The following AFG1L variants were observed in gnomAD, a reference collection of about 807,000 sequenced individuals.
The protein encoded by AFG1L is AFG1 like ATPase.
Under a neutral mutation model 62.2 loss-of-function variants are expected in AFG1L, and 53 were observed. That is an observed-to-expected ratio of 0.85 (90% CI 0.68 to 1.07). AFG1L has a LOEUF of 1.07. AFG1L is among the 50% of genes least tolerant of loss of function. The pLI is 0.00. For synonymous variants in AFG1L, 228 were observed against 210.3 expected, an observed-to-expected ratio of 1.08 and a Z score of -0.73; for missense variants, 555 against 590.5, an observed-to-expected ratio of 0.94 and a Z score of 0.62.
At chr6:108,418,252 C>A (rs1770416237) in intron 7 of AFG1L, among the ~76,000 whole-genome samples, 1 of 152,132 alleles carries the variant, frequency 6.6e-6, no homozygotes, top group African/African-American at 2.4e-5. Flanking sequence ...CAAATCTGGC[C>A]TGCTGCCTGT....
chr6:108,397,435 T>C (rs1286323529), intron 6 of AFG1L, among the ~76,000 whole-genome samples: 1 of 152,148 alleles, frequency 6.6e-6, no homozygotes, highest in African/African-American at 2.4e-5. Context: ...TTTTGTATTT[T>C]TAGTAGAGAC....
intron 7 of AFG1L, among the ~76,000 whole-genome samples, chr6:108,418,784 T>C (rs1293731608): frequency 6.6e-6 from 1 of 152,206 alleles, no homozygotes; most frequent in Non-Finnish European, 1.5e-5. Flanking sequence ...CACTGAACAA[T>C]ATTTATGGAG....
At chr6:108,350,790 C>T (rs1390833907) in intron 3 of AFG1L, among the ~76,000 whole-genome samples, 1 of 152,166 alleles carries the variant, frequency 6.6e-6, no homozygotes, top group Non-Finnish European at 1.5e-5. Context: ...CCTGCTGCCT[C>T]CTGGTTTCAC....
chr6:108,348,282 G>T (rs1405073097), intron 3 of AFG1L, among the ~76,000 whole-genome samples: 2 of 152,198 alleles, frequency 1.3e-5, no homozygotes, highest in Non-Finnish European at 2.9e-5. Flanking sequence ...GTTTCACCGT[G>T]TTAGCCAGGA....
chr6:108,353,153 ATT>A (rs35734578), intron 3 of AFG1L, among the ~76,000 whole-genome samples: 1,645 of 121,010 alleles, frequency 0.014, 19 homozygotes, highest in African/African-American at 0.04. Context: ...ACAATGTTTA[ATT>A]TTTTTTTTTT....
intron 6 of AFG1L, chr6:108,392,286 T>G (rs1304799795): frequency 4.6e-5 from 7 of 152,236 alleles, no homozygotes; most frequent in Admixed American, 4.6e-4. Flanking sequence ...ACCTTCGCTT[T>G]CTGATCATTA....
chr6:108,440,112 A>G (rs1310116177), intron 7 of AFG1L, among the ~76,000 whole-genome samples: 1 of 152,208 alleles, frequency 6.6e-6, no homozygotes, highest in African/African-American at 2.4e-5. Flanking sequence ...TTCTACTGTT[A>G]TGCTTTTAAT....
At chr6:108,413,954 AC>A (rs1289366041) in intron 7 of AFG1L, among the ~76,000 whole-genome samples, 1 of 152,140 alleles carries the variant, frequency 6.6e-6, no homozygotes, top group East Asian at 1.9e-4. Flanking sequence ...CACAAAAAAA[AC>A]CCTTCAAAAA....
chr6:108,522,431 A>C lies in AFG1L; in HGVS notation c.*6A>C. 2 of 1,604,884 alleles carry C rather than the reference A, an allele frequency of 1.2e-6. No homozygotes were observed. Among genetic ancestry groups the C allele is most frequent in the South Asian group, 2.2e-5 (2 of 90,332 alleles). On this transcript the variant is annotated 3_prime_UTR_variant, in exon 13 of 13. Transcript: ENST00000368977. The stretch of plus-strand genomic sequence containing the variant: ...GAGACAGAACCAAGAAGTAACTGCC[A>C]CTTTTGCATAAATAAAACTCTAGAC...
intron 2 of AFG1L, among the ~76,000 whole-genome samples, chr6:108,330,574 A>G (rs1778237961): frequency 6.6e-6 from 1 of 152,150 alleles, no homozygotes; most frequent in Non-Finnish European, 1.5e-5. Flanking sequence ...GACATTGTTG[A>G]AAGAAGAGTG....
intron 1 of AFG1L, among the ~76,000 whole-genome samples, chr6:108,312,704 A>G (rs1438383829): frequency 1.3e-5 from 2 of 152,146 alleles, no homozygotes; most frequent in African/African-American, 4.8e-5. Flanking sequence ...AATACAATTA[A>G]GCTTTATGAC....
At chr6:108,476,742 T>C in intron 8 of AFG1L, 123 bp from the exon 9 acceptor site, 1 of 669,900 alleles carries the variant, frequency 1.5e-6, no homozygotes, top group Admixed American at 2.6e-5. Context: ...CTAATGTTTG[T>C]ATTTAGAGCA....
At chr6:108,400,387 T>G (rs78771782) in intron 6 of AFG1L, among the ~76,000 whole-genome samples, 6,379 of 151,276 alleles carry the variant, frequency 0.042, 211 homozygotes, top group South Asian at 0.1. Flanking sequence ...TTTCTGAGGG[T>G]TTTTAGTATG....
At chr6:108,443,092 A>G (rs550809327) in intron 7 of AFG1L, among the ~76,000 whole-genome samples, 1 of 152,350 alleles carries the variant, frequency 6.6e-6, no homozygotes, top group South Asian at 2.1e-4. Flanking sequence ...ATGACTGTAA[A>G]AGAGGTTTAA....
intron 6 of AFG1L, among the ~76,000 whole-genome samples, chr6:108,371,497 G>A (rs1780004060): frequency 6.6e-6 from 1 of 152,020 alleles, no homozygotes; most frequent in African/African-American, 2.4e-5. Flanking sequence ...TGATCCTTCT[G>A]CCTTAGCCTT....
At chr6:108,339,459 T>A (rs962114750) in intron 2 of AFG1L, among the ~76,000 whole-genome samples, 3 of 101,172 alleles carry the variant, frequency 3.0e-5, no homozygotes, top group Admixed American at 9.0e-5. Context: ...ATTCTTTAAA[T>A]TTTTTTTTTT....
chr6:108,379,222 A>T (rs567153175), intron 6 of AFG1L, among the ~76,000 whole-genome samples: 4 of 151,586 alleles, frequency 2.6e-5, no homozygotes, highest in Admixed American at 6.6e-5. Flanking sequence ...TGTTTGCCAT[A>T]CTGGTCTTGA....
chr6:108,320,591 A>T (rs902261136), intron 1 of AFG1L, among the ~76,000 whole-genome samples: 4 of 152,180 alleles, frequency 2.6e-5, no homozygotes, highest in Non-Finnish European at 4.4e-5. Flanking sequence ...TATAGGGAAC[A>T]TCTCTAACCT....
intron 1 of AFG1L, among the ~76,000 whole-genome samples, chr6:108,298,030 C>G (rs1776837245): frequency 6.6e-6 from 1 of 152,004 alleles, no homozygotes; most frequent in Non-Finnish European, 1.5e-5. Context: ...CTTCATAAAA[C>G]TCTATAAAAA....
Sources: allele counts gnomAD v4.1 joint callset (sites outside exome capture counted in the v4.1 genomes callset), GRCh38; gene constraint gnomAD v4.1.1; transcripts MANE v1.5; gene names NCBI Gene and HGNC (gene_info 2026-07-23, HGNC 2026-07-21).